Variants in MAP4K3 observed in about 807,000 individuals in gnomAD.
MAP4K3 encodes the protein mitogen-activated protein kinase kinase kinase kinase 3, also known as MAPK/ERK kinase kinase kinase 3.
A neutral mutation model predicts 143.5 loss-of-function variants in MAP4K3; 94 were observed. The observed-to-expected ratio is 0.65, with a 90% confidence interval of 0.55 to 0.78. The LOEUF (loss-of-function observed/expected upper bound fraction) is 0.78, where lower values mean the gene tolerates loss of function less well. MAP4K3 is among the 30% of genes least tolerant of loss of function. The pLI is 0.00. For missense variants in MAP4K3, 1,077 were observed against 1,068.1 expected (o/e 1.01, Z -0.12); for synonymous variants, 416 against 347.2 (o/e 1.20, Z -2.20).
At chr2:39,280,909 T>C (rs1246579743) in intron 22 of MAP4K3, among the ~76,000 whole-genome samples, 2 of 152,196 alleles carry the variant, frequency 1.3e-5, no homozygotes, top group African/African-American at 4.8e-5. Context: ...CCTGGAAAGA[T>C]TCATTAAAAA....
At chr2:39,318,685 C>T (rs1683199621) in intron 12 of MAP4K3, among the ~76,000 whole-genome samples, 1 of 152,058 alleles carries the variant, frequency 6.6e-6, no homozygotes, top group East Asian at 1.9e-4. Context: ...CAATGCTTTA[C>T]ATGCAACGTG....
intron 1 of MAP4K3, among the ~76,000 whole-genome samples, chr2:39,391,758 C>T (rs1364787919): frequency 6.6e-6 from 1 of 152,090 alleles, no homozygotes; most frequent in Non-Finnish European, 1.5e-5. Flanking sequence ...TGATTTCTAA[C>T]ATTTTCGTGG....
intron 3 of MAP4K3, among the ~76,000 whole-genome samples, chr2:39,351,710 T>G (rs1573186231): frequency 6.6e-6 from 1 of 152,220 alleles, no homozygotes; most frequent in Admixed American, 6.5e-5. Flanking sequence ...GCTCTGTCAC[T>G]CAGGCTGGAG....
intron 1 of MAP4K3, among the ~76,000 whole-genome samples, chr2:39,395,233 T>C (rs1372993056): frequency 6.6e-6 from 1 of 152,054 alleles, no homozygotes; most frequent in Admixed American, 6.5e-5. Flanking sequence ...GTATAAAAAT[T>C]ACCAAAGAAA....
intron 16 of MAP4K3, among the ~76,000 whole-genome samples, chr2:39,296,226 T>C (rs767695560): frequency 6.6e-6 from 1 of 152,234 alleles, no homozygotes; most frequent in African/African-American, 2.4e-5. Flanking sequence ...TAATGAAAAG[T>C]AGGATGCATG....
Position 39,369,205 on chromosome 2 carries a change from G to GTTTTTTTTTGTTT in MAP4K3, c.154+8860_154+8861insAAACAAAAAAAAA, listed in dbSNP as rs68013609. ...AACCTTTGGGCTAGTTTTTTTTTTT[G>GTTTTTTTTTGTTT]TTTTTTTTGAGATGCAGTTTTGCTC... On this transcript the variant is annotated intron_variant, in intron 2 of 33. Transcript: ENST00000263881. 1.6e-5 allele frequency among the ~76,000 whole-genome samples: 2 copies of GTTTTTTTTTGTTT among 125,378 alleles called. 1 individual carries two copies. The highest frequency in any genetic ancestry group is 3.2e-5 in the Non-Finnish European group (2 of 62,454). 82.3% of individuals were successfully genotyped at this position (125,378 alleles called of 152,430 possible).
chr2:39,373,930 T>C (rs1392349758), intron 2 of MAP4K3, among the ~76,000 whole-genome samples: 1 of 152,150 alleles, frequency 6.6e-6, no homozygotes, highest in Non-Finnish European at 1.5e-5. Context: ...AAAAATCCAA[T>C]CATACATTTT....
rs552048223 is a variant in MAP4K3, at chr2:39,295,764, T to G, written c.1179-2496A>C. Among the ~76,000 whole-genome samples, 395 of 147,314 alleles carry G rather than the reference T, an allele frequency of 2.7e-3. 1 individual carries two copies. The highest frequency in any genetic ancestry group is 9.4e-3 in the African/African-American group (368 of 39,274). On this transcript the variant is annotated intron_variant, in intron 16 of 33. Coordinates refer to ENST00000263881, the MANE Select transcript of MAP4K3 (RefSeq NM_003618.4). ...ATGGAGTCTTGCTTTTTTGGTCCAG[T>G]CTGGAGTGCAGTGGCGTGATCTTGG...
At chr2:39,362,093 T>C (rs1254296316) in intron 2 of MAP4K3, among the ~76,000 whole-genome samples, 1 of 152,076 alleles carries the variant, frequency 6.6e-6, no homozygotes, top group Admixed American at 6.5e-5. Flanking sequence ...AAAATTATAC[T>C]TAAATTCACC....
chr2:39,280,449 C>A, intron 22 of MAP4K3, 93 bp from the exon 23 acceptor site: 1 of 567,842 alleles, frequency 1.8e-6, no homozygotes, highest in Non-Finnish European at 3.0e-6. Flanking sequence ...ATGTGAGAGT[C>A]TATAGATAGT....
chr2:39,404,694 T>G (rs371451569), intron 1 of MAP4K3, among the ~76,000 whole-genome samples: 2 of 148,358 alleles, frequency 1.3e-5, no homozygotes, highest in Non-Finnish European at 1.5e-5. Context: ...CGATCTCGGC[T>G]GACCACAACC....
At chr2:39,326,639 G>C (rs148097045) in intron 8 of MAP4K3, among the ~76,000 whole-genome samples, 340 of 152,240 alleles carry the variant, frequency 2.2e-3, no homozygotes, top group East Asian at 8.5e-3. Context: ...CTGCAATTTG[G>C]GGGGTGGGCA....
intron 16 of MAP4K3, among the ~76,000 whole-genome samples, chr2:39,296,729 T>C (rs1257416335): frequency 6.6e-6 from 1 of 152,222 alleles, no homozygotes; most frequent in Non-Finnish European, 1.5e-5. Flanking sequence ...TCTCTAAAAT[T>C]AAACAGCAGT....
intron 31 of MAP4K3, among the ~76,000 whole-genome samples, chr2:39,257,843 T>C (rs1191538931): frequency 1.3e-5 from 2 of 150,990 alleles, no homozygotes; most frequent in African/African-American, 4.9e-5. Context: ...ACCAGGAAGA[T>C]AACATTATCT....
chr2:39,297,650 TATGGAG>T (rs1682338333), intron 16 of MAP4K3, among the ~76,000 whole-genome samples: 1 of 152,138 alleles, frequency 6.6e-6, no homozygotes, highest in Admixed American at 6.5e-5. Flanking sequence ...CCTGATCACC[TATGGAG>T]AAAGCAGGAA....
chr2:39,411,631 T>C (rs1480415043), intron 1 of MAP4K3, among the ~76,000 whole-genome samples: 1 of 152,194 alleles, frequency 6.6e-6, no homozygotes, highest in African/African-American at 2.4e-5. Flanking sequence ...CCAGTAAGCT[T>C]TTATCTGGCA....
chr2:39,295,778 G>A (rs1682256517), intron 16 of MAP4K3, among the ~76,000 whole-genome samples: 1 of 147,728 alleles, frequency 6.8e-6, no homozygotes, highest in African/African-American at 2.5e-5. Context: ...GAGTGCAGTG[G>A]CGTGATCTTG....
At chr2:39,328,891 T>A (rs1030602004) in intron 8 of MAP4K3, among the ~76,000 whole-genome samples, 8 of 152,206 alleles carry the variant, frequency 5.3e-5, no homozygotes, top group African/African-American at 1.9e-4. Context: ...ATAAAATGTT[T>A]AAGGTACATA....
chr2:39,278,189 T>C (rs1681356478), intron 24 of MAP4K3, among the ~76,000 whole-genome samples: 1 of 151,672 alleles, frequency 6.6e-6, no homozygotes, highest in African/African-American at 2.4e-5. Context: ...GGCTGAGGCA[T>C]GAGAATTGCT....
Sources: allele counts gnomAD v4.1 joint callset (sites outside exome capture counted in the v4.1 genomes callset), GRCh38; gene constraint gnomAD v4.1.1; transcripts MANE v1.5; gene names NCBI Gene and HGNC (gene_info 2026-07-23, HGNC 2026-07-21).